Variants in IMPG2 observed in about 807,000 individuals in gnomAD.
The protein encoded by IMPG2 is interphotoreceptor matrix proteoglycan 2.
IMPG2 carries 91 observed loss-of-function variants against 129.2 expected under a neutral mutation model. The ratio of observed to expected loss-of-function variants is 0.70; its 90% CI spans 0.59 to 0.84. The LOEUF (loss-of-function observed/expected upper bound fraction) is 0.84, where lower values mean the gene tolerates loss of function less well. IMPG2 is among the 40% of genes least tolerant of loss of function. The probability of loss-of-function intolerance (pLI) is 0.00; values close to 1 mark genes in which losing one functional copy is unlikely to be tolerated. For synonymous variants in IMPG2, 510 were observed against 517.7 expected (o/e 0.99, Z 0.20); for missense variants, 1,430 against 1,461.7 (o/e 0.98, Z 0.35).
chr3:101,241,031 C>T (rs546082372), intron 14 of IMPG2, among the ~76,000 whole-genome samples: 2 of 152,326 alleles, frequency 1.3e-5, no homozygotes, highest in South Asian at 2.1e-4. Flanking sequence ...ATTCATTTCA[C>T]TCATTCACAG....
chr3:101,292,943 T>C (rs182385272), intron 3 of IMPG2, among the ~76,000 whole-genome samples: 31 of 152,348 alleles, frequency 2.0e-4, no homozygotes, highest in African/African-American at 7.5e-4. Context: ...ATTGTAGCAA[T>C]TTAGCCTCAT....
In IMPG2 at chr3:101,237,242, C is replaced by G. The variant is rs376904229; in HGVS notation, c.3023-4251G>C. Among the ~76,000 whole-genome samples, 40 of 152,290 alleles carry G rather than the reference C, an allele frequency of 2.6e-4. No homozygotes were observed. In the South Asian group the frequency reaches 4.8e-3, roughly 18 times the overall value. On this transcript the variant is annotated intron_variant, in intron 14 of 18. Coordinates refer to ENST00000193391, the MANE Select transcript of IMPG2 (RefSeq NM_016247.4). Reference sequence around the variant, plus strand: ...TCAGGGGCTTAGAGATAAAACTCCCCTCTCCCTGGGACAGAGTACCTGGGG... The same window carrying G: ...TCAGGGGCTTAGAGATAAAACTCCCGTCTCCCTGGGACAGAGTACCTGGGG...
At chr3:101,230,076 G>A (rs114151655) in intron 16 of IMPG2, among the ~76,000 whole-genome samples, 2,822 of 152,270 alleles carry the variant, frequency 0.019, 83 homozygotes, top group African/African-American at 0.065. Flanking sequence ...TCTACACACT[G>A]CTGACACAAA....
chr3:101,223,751 T>G lies in IMPG2; in HGVS notation c.*3218A>C, dbSNP rs1479636460. 1.3e-5 allele frequency: 2 copies of G among 152,090 alleles called. No individual in the cohort carries two copies. The highest frequency in any genetic ancestry group is 4.1e-4 in the South Asian group (2 of 4,830). The allele number at this position is 152,090 out of a possible 1,614,324, so 9.4% of individuals were successfully genotyped here. ...AGAGAAAAGAATAAAAAAGAGAAAGTGGGGAGGAGCCAACCCATGGTGACA... is the reference window on the plus strand; with the variant it reads ...AGAGAAAAGAATAAAAAAGAGAAAGGGGGGAGGAGCCAACCCATGGTGACA... On this transcript the variant is annotated 3_prime_UTR_variant, in exon 19 of 19. Transcript: ENST00000193391.
chr3:101,241,979 A>C (rs946517767), intron 14 of IMPG2, among the ~76,000 whole-genome samples: 3 of 152,058 alleles, frequency 2.0e-5, no homozygotes, highest in Admixed American at 2.0e-4. Flanking sequence ...CAGTGAGCCA[A>C]GGTCACACCA....
At chr3:101,276,791 C>A in intron 4 of IMPG2, 78 bp from the exon 5 acceptor site, 1 of 1,128,774 alleles carries the variant, frequency 8.9e-7, no homozygotes, top group Non-Finnish European at 1.3e-6. Context: ...GGTTGTTTTC[C>A]AAAAAGGAAA....
At chr3:101,245,778 C>T (rs368936699) in intron 12 of IMPG2, 24 bp downstream of exon 12, 79 of 1,605,128 alleles carry the variant, frequency 4.9e-5, no homozygotes, top group Admixed American at 3.3e-4. Flanking sequence ...ATAAGAAGTA[C>T]GAAAAGCAAT....
intron 11 of IMPG2, among the ~76,000 whole-genome samples, chr3:101,251,458 T>A (rs747588847): frequency 2.0e-5 from 3 of 152,194 alleles, no homozygotes; most frequent in Non-Finnish European, 4.4e-5. Flanking sequence ...AACACATACA[T>A]GCCAGGAATA....
chr3:101,238,548 G>T (rs1438653810), intron 14 of IMPG2, among the ~76,000 whole-genome samples: 4 of 152,330 alleles, frequency 2.6e-5, no homozygotes, highest in East Asian at 3.9e-4. Flanking sequence ...AGCCAGAAGA[G>T]AGTGGGGACC....
intron 2 of IMPG2, among the ~76,000 whole-genome samples, chr3:101,305,243 G>T (rs567490490): frequency 6.6e-6 from 1 of 152,214 alleles, no homozygotes; most frequent in East Asian, 1.9e-4. Flanking sequence ...AATCTGAAAT[G>T]ACTGCATACT....
At chr3:101,312,910 G>A (rs565392673) in intron 2 of IMPG2, among the ~76,000 whole-genome samples, 14 of 152,136 alleles carry the variant, frequency 9.2e-5, no homozygotes, top group African/African-American at 1.7e-4. Context: ...GTAGATTAGC[G>A]TTTACTTAGG....
At chr3:101,257,382 G>T in intron 10 of IMPG2, 147 bp downstream of exon 10, 1 of 915,770 alleles carries the variant, frequency 1.1e-6, no homozygotes, top group Non-Finnish European at 1.7e-6. Context: ...TAGCTGCATG[G>T]CTAAAACTCC....
At chr3:101,300,071 T>C (rs1707123439) in intron 3 of IMPG2, among the ~76,000 whole-genome samples, 1 of 152,138 alleles carries the variant, frequency 6.6e-6, no homozygotes, top group Non-Finnish European at 1.5e-5. Flanking sequence ...CCCAGGAAGA[T>C]TAGAGTCTGT....
At chr3:101,257,877 A>C in intron 9 of IMPG2, 104 bp from the exon 10 acceptor site, 532 of 1,288,278 alleles carry the variant, frequency 4.1e-4, no homozygotes, top group Middle Eastern at 5.5e-4. Flanking sequence ...GGGGAGTCTC[A>C]AAGAGCATGG....
chr3:101,233,510 AG>A (rs1272429954), intron 14 of IMPG2, among the ~76,000 whole-genome samples: 2 of 152,322 alleles, frequency 1.3e-5, no homozygotes, highest in East Asian at 3.9e-4. Flanking sequence ...AGAGCAGCCT[AG>A]GAACAGTCAA....
rs1482633146 is a variant in IMPG2, at chr3:101,253,781, A to T, written c.1154T>A (p.Val385Glu). 1.2e-6 allele frequency: 2 copies of T among 1,604,258 alleles called. No individual in the cohort carries two copies. Among genetic ancestry groups the T allele is most frequent in the Middle Eastern group, 1.7e-4 (1 of 6,032 alleles). ...AGTTTGGTGACGCAAAACTCCTCTCACTGAGGAAAGAACAATATTAAAGAA... is the reference window on the plus strand; with the variant it reads ...AGTTTGGTGACGCAAAACTCCTCTCTCTGAGGAAAGAACAATATTAAAGAA... ...PDPDSLQLIN[V>E]RGVLRHQTED... The change falls in exon 11 of 19, where the codon GTG becomes GAG. Residue 385 changes from valine (V) to glutamate (E), a missense_variant and splice_region_variant. Transcript: ENST00000193391.
chr3:101,266,084 T>A (rs892117345), intron 9 of IMPG2, among the ~76,000 whole-genome samples: 1 of 152,164 alleles, frequency 6.6e-6, no homozygotes, highest in Non-Finnish European at 1.5e-5. Flanking sequence ...AAAAGGGGAC[T>A]CTTACATACT....
Position 101,226,918 on chromosome 3 carries a change from T to A in IMPG2, c.*51A>T. 1 of 1,584,432 alleles carries A rather than the reference T, an allele frequency of 6.3e-7. No homozygotes were observed. Among genetic ancestry groups the A allele is most frequent in the Non-Finnish European group, 8.7e-7 (1 of 1,153,474 alleles). On this transcript the variant is annotated 3_prime_UTR_variant, in exon 19 of 19. Coordinates refer to ENST00000193391, the MANE Select transcript of IMPG2 (RefSeq NM_016247.4). ...TTAATTATATGACATAAGTAACAAGTAATCTCCATCTTCTCCAGGCTTCTA... is the reference window on the plus strand; with the variant it reads ...TTAATTATATGACATAAGTAACAAGAAATCTCCATCTTCTCCAGGCTTCTA...
intron 9 of IMPG2, among the ~76,000 whole-genome samples, chr3:101,264,304 A>C (rs1438239132): frequency 1.3e-5 from 2 of 152,146 alleles, no homozygotes; most frequent in Non-Finnish European, 2.9e-5. Context: ...AATCCTCAAC[A>C]AAATATTAGC....
Sources: gnomAD v4.1 joint callset for allele counts (sites outside exome capture counted in the v4.1 genomes callset) on GRCh38, gnomAD v4.1.1 for gene constraint, MANE v1.5 for transcripts, NCBI Gene and HGNC (gene_info 2026-07-23, HGNC 2026-07-21) for gene names.